Variants in FAM3D observed in about 807,000 individuals in gnomAD.
FAM3D encodes FAM3 metabolism regulating signaling molecule D, also known as protein FAM3D.
A neutral mutation model predicts 29.8 loss-of-function variants in FAM3D; 26 were observed. The observed-to-expected ratio is 0.87, with a 90% CI of 0.64 to 1.21. FAM3D has a LOEUF of 1.21. Among genes scored for constraint, FAM3D ranks in the 50% most tolerant of loss-of-function variants. FAM3D has a pLI of 0.00. For missense variants in FAM3D, 253 were observed against 290.9 expected (o/e 0.87, Z 0.95); for synonymous variants, 115 against 102.3 (o/e 1.12, Z -0.75).
intron 2 of FAM3D, 145 bp downstream of exon 2, chr3:58,655,406 T>C: frequency 9.9e-7 from 1 of 1,014,608 alleles, no homozygotes; most frequent in African/African-American, 1.6e-5. Context: ...TCGCCTCTTC[T>C]ACTCTTCCAG....
intron 6 of FAM3D, among the ~76,000 whole-genome samples, chr3:58,640,629 C>A (rs926273917): frequency 2.0e-5 from 3 of 152,258 alleles, no homozygotes; most frequent in Non-Finnish European, 2.9e-5. Context: ...CAACTGGAGT[C>A]CTCCACCTCT....
Position 58,643,658 on chromosome 3 carries a change from T to A in FAM3D, c.322+4A>T. ...AACTGTCTGGGGATGGATATGCAACTCACCATTCACCAGGGCGATGTTTAG... is the reference window on the plus strand; with the variant it reads ...AACTGTCTGGGGATGGATATGCAACACACCATTCACCAGGGCGATGTTTAG... On this transcript the variant is annotated splice_donor_region_variant and intron_variant, in intron 6 of 9. Transcript: ENST00000358781. 10 of 1,613,458 alleles carry A rather than the reference T, an allele frequency of 6.2e-6. No individual in the cohort carries two copies. The highest frequency in any genetic ancestry group is 8.5e-6 in the Non-Finnish European group (10 of 1,180,002).
chr3:58,640,169 C>T lies in FAM3D; in HGVS notation c.331G>A (p.Gly111Arg), dbSNP rs376085836. ...AATGCCTTCTGTCCCAGCACAGCTC[C>T]CGTGGTTCCTAGGGGTTAAGAGGAG... ...LNIALVNGTTGAVLGQKAFDM... is the reference protein window; with the variant it reads ...LNIALVNGTTRAVLGQKAFDM... Residue 111 changes from glycine to arginine, a missense_variant, in exon 7 of 10, where the codon GGA becomes AGA. Gly to Arg is a moderately radical substitution (Grantham distance 125, BLOSUM62 -2). Transcript: ENST00000358781. 7.4e-6 allele frequency: 12 copies of T among 1,614,072 alleles called. No homozygotes were observed. The highest frequency in any genetic ancestry group is 3.4e-6 in the Non-Finnish European group (4 of 1,180,034).
At chr3:58,637,721 C>T (rs911242854) in intron 7 of FAM3D, among the ~76,000 whole-genome samples, 1 of 152,114 alleles carries the variant, frequency 6.6e-6, no homozygotes, top group Admixed American at 6.5e-5. Flanking sequence ...ATGAATACAA[C>T]TCTCCTGCTG....
intron 1 of FAM3D, among the ~76,000 whole-genome samples, chr3:58,658,233 G>A (rs2066861926): frequency 6.6e-6 from 1 of 152,180 alleles, no homozygotes; most frequent in South Asian, 2.1e-4. Context: ...TAGGATGCGG[G>A]GCATTGAGGA....
At chr3:58,652,505 T>A (rs2066667753) in intron 3 of FAM3D, among the ~76,000 whole-genome samples, 1 of 144,978 alleles carries the variant, frequency 6.9e-6, no homozygotes, top group African/African-American at 2.6e-5. Flanking sequence ...TCCCTCCATC[T>A]ACCCATCTAC....
intron 4 of FAM3D, 121 bp from the exon 5 acceptor site, chr3:58,645,747 T>C (rs952748179): frequency 7.2e-6 from 6 of 838,402 alleles, no homozygotes; most frequent in African/African-American, 6.7e-5. Context: ...AGCCTCTTTC[T>C]GGGGGAGCCT....
chr3:58,645,512 C>G lies in FAM3D; in HGVS notation c.260G>C (p.Arg87Pro). ...VVGPTMCFED[R>P]MIMSPVKNNV... ...TAGTTGTGTCTTAGGTACTTACATG[C>G]GGTCTTCAAAGCACATAGTAGGGCC... The change falls in exon 5 of 10, where the codon CGC becomes CCC. Residue 87 changes from arginine (R) to proline (P), a missense_variant. Arg to Pro is a moderately radical substitution (Grantham distance 103, BLOSUM62 -2). Transcript: ENST00000358781. The G allele has an allele frequency of 1.2e-6, 2 of 1,609,318 alleles. No homozygotes were observed. The highest frequency in any genetic ancestry group is 4.5e-5 in the East Asian group (2 of 44,832).
At chr3:58,651,408 T>A (rs1027778205) in intron 3 of FAM3D, among the ~76,000 whole-genome samples, 12 of 152,200 alleles carry the variant, frequency 7.9e-5, no homozygotes, top group Non-Finnish European at 1.6e-4. Flanking sequence ...CTGGCCATCT[T>A]TCCCACTGGT....
intron 2 of FAM3D, among the ~76,000 whole-genome samples, chr3:58,654,405 G>T (rs115672161): frequency 9.2e-5 from 14 of 152,302 alleles, no homozygotes; most frequent in African/African-American, 2.6e-4. Flanking sequence ...CTCCCTCAAG[G>T]CCTCCACAAA....
intron 6 of FAM3D, among the ~76,000 whole-genome samples, chr3:58,641,725 C>T (rs2066339732): frequency 1.3e-5 from 2 of 152,312 alleles, no homozygotes; most frequent in Admixed American, 1.3e-4. Flanking sequence ...TTGAGCATAG[C>T]TCCATCCTAA....
At chr3:58,661,431 T>C (rs13082164) in intron 1 of FAM3D, among the ~76,000 whole-genome samples, 121,254 of 152,170 alleles carry the variant, frequency 0.8, 49,786 homozygotes, top group Non-Finnish European at 0.9. Flanking sequence ...GCCACCTCTC[T>C]CCTCTCCTCA....
At chr3:58,652,083 A>T (rs570982354) in intron 3 of FAM3D, among the ~76,000 whole-genome samples, 1 of 152,304 alleles carries the variant, frequency 6.6e-6, no homozygotes, top group South Asian at 2.1e-4. Context: ...AAGCGGGATG[A>T]ATCCAGAGAT....
intron 8 of FAM3D, 28 bp from the exon 9 acceptor site, chr3:58,636,448 G>GA (rs1412982288): frequency 6.2e-7 from 1 of 1,612,306 alleles, no homozygotes; most frequent in East Asian, 2.2e-5. Flanking sequence ...GGATGGTCAG[G>GA]ATGCGGGGGT....
rs565725492 is a variant in FAM3D at position 58,649,070 on chromosome 3, G to A, written c.145+245C>T. Reference sequence around the variant, plus strand: ...GCAGGGGTACTGGAGAAGGGGCAGAGTTGAACTGTGTCTCTACAGTCTGAA... The same window carrying A: ...GCAGGGGTACTGGAGAAGGGGCAGAATTGAACTGTGTCTCTACAGTCTGAA... On this transcript the variant is annotated intron_variant, in intron 4 of 9. Transcript: ENST00000358781. Among the ~76,000 whole-genome samples, 439 of 152,300 alleles carry A rather than the reference G, an allele frequency of 2.9e-3. 2 individuals carry two copies. Among genetic ancestry groups the A allele is most frequent in the African/African-American group, 9.9e-3 (411 of 41,556 alleles).
intron 2 of FAM3D, 124 bp downstream of exon 2, chr3:58,655,427 A>G (rs2066765568): frequency 1.6e-6 from 2 of 1,285,480 alleles, no homozygotes; most frequent in East Asian, 4.8e-5. Flanking sequence ...CCTCCCCTGG[A>G]TTGCTTTCCT....
chr3:58,653,316 CA>C (rs2066700421), intron 3 of FAM3D, among the ~76,000 whole-genome samples: 1 of 152,192 alleles, frequency 6.6e-6, no homozygotes, highest in Admixed American at 6.5e-5. Context: ...GCAGCAGGTG[CA>C]GGTGAAGACG....
intron 2 of FAM3D, among the ~76,000 whole-genome samples, chr3:58,655,050 T>A (rs1215617848): frequency 1.3e-5 from 2 of 151,480 alleles, no homozygotes; most frequent in Non-Finnish European, 2.9e-5. Flanking sequence ...GTGTCAAAAG[T>A]GGGGTTTACA....
chr3:58,662,774 C>T (rs1489894314), intron 1 of FAM3D, among the ~76,000 whole-genome samples: 1 of 152,206 alleles, frequency 6.6e-6, no homozygotes, highest in Non-Finnish European at 1.5e-5. Flanking sequence ...GGGTTACTCC[C>T]TTCTCTGGCT....
Sources: gnomAD v4.1 joint callset for allele counts (sites outside exome capture counted in the v4.1 genomes callset) on GRCh38, gnomAD v4.1.1 for gene constraint, MANE v1.5 for transcripts, NCBI Gene and HGNC (gene_info 2026-07-23, HGNC 2026-07-21) for gene names.